SHANK2: variants seen among roughly 807,000 people sequenced by gnomAD.
SHANK2 encodes the protein SH3 and multiple ankyrin repeat domains 2.
Under a neutral mutation model 133.7 loss-of-function variants are expected in SHANK2, and 43 were observed. The ratio of observed to expected loss-of-function variants is 0.32; its 90% CI spans 0.25 to 0.41. The LOEUF is 0.41. Ranked by LOEUF, SHANK2 falls within the 10% of genes least tolerant of loss-of-function variation. The probability of loss-of-function intolerance (pLI) is 1.00; values close to 1 mark genes in which losing one functional copy is unlikely to be tolerated. For missense variants in SHANK2, 1,994 were observed against 2,235.8 expected (o/e 0.89, Z 2.18); for synonymous variants, 1,017 against 952.8 (o/e 1.07, Z -1.24).
chr11:70,608,169 TAG>T (rs2060605281), intron 17 of SHANK2, among the ~76,000 whole-genome samples: 1 of 152,198 alleles, frequency 6.6e-6, no homozygotes, highest in Admixed American at 6.5e-5. Flanking sequence ...TGTTTTCTTT[TAG>T]AGACAGGGTT....
At chr11:70,565,498 G>A (rs954782926) in intron 17 of SHANK2, among the ~76,000 whole-genome samples, 2 of 152,056 alleles carry the variant, frequency 1.3e-5, no homozygotes, top group Non-Finnish European at 2.9e-5. Flanking sequence ...CACCCACCTC[G>A]GCCTCCGAAA....
intron 6 of SHANK2, among the ~76,000 whole-genome samples, chr11:71,100,417 C>G (rs527482803): frequency 6.6e-6 from 1 of 152,212 alleles, no homozygotes; most frequent in Non-Finnish European, 1.5e-5. Flanking sequence ...ATGCAGACAA[C>G]AAGATGTTGT....
chr11:70,885,214 G>A (rs367681694), intron 11 of SHANK2, among the ~76,000 whole-genome samples: 110 of 87,858 alleles, frequency 1.3e-3, no homozygotes, highest in African/African-American at 2.9e-3. Flanking sequence ...CGCAGGGACC[G>A]CATGGTGAGG....
intron 25 of SHANK2, among the ~76,000 whole-genome samples, chr11:70,476,182 C>T (rs1025526269): frequency 1.4e-4 from 22 of 152,088 alleles, no homozygotes; most frequent in Admixed American, 1.4e-3. Context: ...GAGCTGAGAT[C>T]GTGCCACTGC....
chr11:70,864,561 T>C (rs188091844), intron 11 of SHANK2: 96 of 152,386 alleles, frequency 6.3e-4, no homozygotes, highest in African/African-American at 2.1e-3. Context: ...AGCAGCCGTA[T>C]TGGGGGAAGG....
chr11:71,147,618 C>A (rs1308836916), intron 2 of SHANK2, among the ~76,000 whole-genome samples: 1 of 152,220 alleles, frequency 6.6e-6, no homozygotes, highest in Non-Finnish European at 1.5e-5. Flanking sequence ...GCTGTGAAAC[C>A]CCGGCACTCA....
intron 10 of SHANK2, among the ~76,000 whole-genome samples, chr11:70,920,455 G>A (rs1016276828): frequency 6.6e-6 from 1 of 152,168 alleles, no homozygotes; most frequent in African/African-American, 2.4e-5. Context: ...GAGGCGGAGG[G>A]TGGAACTTCT....
At chr11:71,147,417 C>T (rs782514127) in intron 2 of SHANK2, 79 bp from the exon 3 acceptor site, 38 of 1,196,698 alleles carry the variant, frequency 3.2e-5, no homozygotes, top group Middle Eastern at 2.1e-4. Context: ...TGGACACTGG[C>T]GCTGGAACAC....
chr11:70,848,954 T>C (rs1949041803), intron 11 of SHANK2, among the ~76,000 whole-genome samples: 1 of 151,918 alleles, frequency 6.6e-6, no homozygotes, highest in East Asian at 1.9e-4. Context: ...TCTGAGTGGG[T>C]GAAGGGGGAC....
chr11:70,708,238 T>C (rs1387794638), intron 14 of SHANK2, among the ~76,000 whole-genome samples: 1 of 100,554 alleles, frequency 9.9e-6, no homozygotes, highest in African/African-American at 5.0e-5. Context: ...GTGGAACCTG[T>C]TATACCCAAG....
intron 6 of SHANK2, among the ~76,000 whole-genome samples, chr11:71,100,470 C>G (rs1342146087): frequency 1.3e-5 from 2 of 152,162 alleles, no homozygotes; most frequent in African/African-American, 4.8e-5. Context: ...CAACACGATA[C>G]GAAGGAAGCT....
chr11:70,759,485 A>C (rs1467826424), intron 14 of SHANK2, among the ~76,000 whole-genome samples: 1 of 152,176 alleles, frequency 6.6e-6, no homozygotes, highest in Non-Finnish European at 1.5e-5. Flanking sequence ...CCATCTCAAA[A>C]ACAAAAAACA....
chr11:70,860,823 C>T (rs781793136), intron 11 of SHANK2, among the ~76,000 whole-genome samples: 32 of 152,272 alleles, frequency 2.1e-4, no homozygotes, highest in Non-Finnish European at 4.6e-4. Flanking sequence ...GTGTTCAAGA[C>T]CAACCTGGGC....
At chr11:70,591,793 G>T (rs567698724) in intron 17 of SHANK2, among the ~76,000 whole-genome samples, 1 of 152,084 alleles carries the variant, frequency 6.6e-6, no homozygotes, top group Non-Finnish European at 1.5e-5. Flanking sequence ...AAGGAGGGTG[G>T]ATCACTTGAG....
intron 10 of SHANK2, among the ~76,000 whole-genome samples, chr11:70,918,039 T>C (rs1240353813): frequency 3.9e-5 from 6 of 152,038 alleles, no homozygotes; most frequent in Admixed American, 6.5e-5. Context: ...TTTTTTTTTT[T>C]TTTTTAAATA....
intron 13 of SHANK2, among the ~76,000 whole-genome samples, chr11:70,799,683 C>T (rs898999128): frequency 1.3e-5 from 2 of 152,188 alleles, no homozygotes; most frequent in Admixed American, 1.3e-4. Context: ...GGGATGGTGG[C>T]CACACAGTGA....
Position 71,145,339 on chromosome 11 carries a change from T to G in SHANK2, c.207+1781A>C, listed in dbSNP as rs140599488. ...AGTTGCATAAAAACCCCTCAGAATGTTTTAAGAGAGTTTATGCATTTGTGT... is the reference window on the plus strand; with the variant it reads ...AGTTGCATAAAAACCCCTCAGAATGGTTTAAGAGAGTTTATGCATTTGTGT... On this transcript the variant is annotated intron_variant, in intron 3 of 25. Transcript: ENST00000601538. Among the ~76,000 whole-genome samples, 43 of 152,336 alleles carry G rather than the reference T, an allele frequency of 2.8e-4. No homozygotes were observed. The East Asian group carries it at 6.4e-3, about 23-fold the overall frequency.
At chr11:70,706,954 C>T (rs529532867) in intron 14 of SHANK2, among the ~76,000 whole-genome samples, 2 of 152,076 alleles carry the variant, frequency 1.3e-5, no homozygotes, top group Non-Finnish European at 1.5e-5. Context: ...TCTGATCCTG[C>T]GCTCTGACTG....
chr11:71,073,692 A>G (rs1269354776), intron 9 of SHANK2, among the ~76,000 whole-genome samples: 2 of 151,974 alleles, frequency 1.3e-5, no homozygotes, highest in African/African-American at 4.8e-5. Context: ...GTCTCAAACT[A>G]GATCAAGTAA....
Sources: gnomAD v4.1 joint callset for allele counts (sites outside exome capture counted in the v4.1 genomes callset) on GRCh38, gnomAD v4.1.1 for gene constraint, MANE v1.5 for transcripts, NCBI Gene and HGNC (gene_info 2026-07-23, HGNC 2026-07-21) for gene names.